Variants in SNRNP200 observed in about 807,000 individuals in gnomAD.
SNRNP200 encodes U5 small nuclear ribonucleoprotein 200 kDa helicase.
In SNRNP200, 66 loss-of-function variants were observed where a neutral mutation model predicts 255.2. That is an observed-to-expected ratio of 0.26 (90% CI 0.21 to 0.32). SNRNP200 has a LOEUF of 0.32. Among genes scored for constraint, SNRNP200 ranks in the 10% least tolerant of loss-of-function variants. SNRNP200 has a pLI of 1.00. For synonymous variants in SNRNP200, 939 were observed against 1,027.8 expected (o/e 0.91, Z 1.65); for missense variants, 1,585 against 2,749.8 (o/e 0.58, Z 9.47).
At chr2:96,296,429 G>A (rs1420869248) in intron 13 of SNRNP200, 107 bp downstream of exon 13, 45 of 1,091,706 alleles carry the variant, frequency 4.1e-5, no homozygotes, top group Non-Finnish European at 6.2e-5. Flanking sequence ...AATCCCAGGA[G>A]GCATGCCAGA....
chr2:96,290,299 G>GA lies in SNRNP200; in HGVS notation c.2742+26dup, dbSNP rs1199474164. On this transcript the variant is annotated intron_variant, in intron 20 of 44. Coordinates refer to ENST00000323853, the MANE Select transcript of SNRNP200 (RefSeq NM_014014.5). This position sits in a 1 kb window ranked among gnomAD's most constrained non-coding sequence, Gnocchi z 4.5. ...GCCTTGGTGTCTGCGGGGAAAGCAT[G>GA]AAGCACAACAAGCAGTCCTCCCCTA... is the stretch of plus-strand genomic sequence containing the variant. 6.2e-7 allele frequency: 1 copy of GA among 1,611,968 alleles called. No individual in the cohort carries two copies. Among genetic ancestry groups the GA allele is most frequent in the South Asian group, 1.1e-5 (1 of 90,988 alleles).
At position 96,278,738 on chromosome 2, in the gene SNRNP200, G is replaced by T. The variant is rs368358976; in HGVS notation, c.5324-27C>A. 10 of 1,614,226 alleles carry T rather than the reference G, an allele frequency of 6.2e-6. No individual in the cohort carries two copies. Among genetic ancestry groups the T allele is most frequent in the Non-Finnish European group, 8.5e-6 (10 of 1,180,032 alleles). On this transcript the variant is annotated intron_variant, in intron 37 of 44. Coordinates refer to ENST00000323853, the MANE Select transcript of SNRNP200 (RefSeq NM_014014.5). This position sits in a 1 kb window ranked among gnomAD's most constrained non-coding sequence, Gnocchi z 6.9. ...TATGGAGGCGAGAGGTGAGTGGGGA[G>T]CCTCAAGAAGATGCCCAGCAAAGAC...
In SNRNP200 at chr2:96,277,443, T is replaced by C; in HGVS notation, c.5931+96A>G. 1 of 1,476,040 alleles carries C rather than the reference T, an allele frequency of 6.8e-7. No homozygotes were observed. The allele number at this position is 1,476,040 out of a possible 1,614,324, so 91.4% of individuals were successfully genotyped here. A position where few individuals can be genotyped will look rare whatever the true frequency, so the allele number is the denominator to read the frequency against. On this transcript the variant is annotated intron_variant, in intron 41 of 44. Transcript: ENST00000323853. This position sits in a 1 kb window ranked among gnomAD's most constrained non-coding sequence, Gnocchi z 4.4. ...TTCGGAGGAACCATAACTAAAAGTT[T>C]AACTTACTGAGACTCACCTCCCGCA... is the stretch of plus-strand genomic sequence containing the variant.
Position 96,287,834 on chromosome 2 carries a change from G to T in SNRNP200, c.3365+29C>A. 6.3e-7 allele frequency: 1 copy of T among 1,595,410 alleles called. No individual in the cohort carries two copies. The highest frequency in any genetic ancestry group is 1.1e-5 in the South Asian group (1 of 90,670). ...TGGGTTGGGGACCCCCACTCATGGT[G>T]ACCAGCATCCAGCTCACTGGGTCCT... is the stretch of plus-strand genomic sequence containing the variant. On this transcript the variant is annotated intron_variant, in intron 25 of 44. Transcript: ENST00000323853. The surrounding 1 kb of genome is among the most constrained non-coding windows in gnomAD (Gnocchi z 5.7).
At chr2:96,300,218 T>A (rs2063943988) in intron 5 of SNRNP200, among the ~76,000 whole-genome samples, 2 of 152,188 alleles carry the variant, frequency 1.3e-5, no homozygotes, top group South Asian at 4.1e-4. Flanking sequence ...CACTTATTCC[T>A]ATTTAGTTAT....
chr2:96,302,812 C>T (rs1021514118), intron 3 of SNRNP200, among the ~76,000 whole-genome samples: 2 of 152,174 alleles, frequency 1.3e-5, no homozygotes, highest in Non-Finnish European at 2.9e-5. Context: ...AAGATGCCTA[C>T]CAAAAGACAA....
intron 14 of SNRNP200, 110 bp downstream of exon 14, chr2:96,295,378 C>T: frequency 1.4e-6 from 2 of 1,476,502 alleles, no homozygotes; most frequent in Non-Finnish European, 1.9e-6. Flanking sequence ...CTAGTCATTA[C>T]AAAGGCTAGT....
Position 96,286,515 on chromosome 2 carries a change from C to CA in SNRNP200, c.3830-32dup. The CA allele has an allele frequency of 6.2e-7, 1 of 1,612,542 alleles. No individual in the cohort carries two copies. Among genetic ancestry groups the CA allele is most frequent in the East Asian group, 2.2e-5 (1 of 44,872 alleles). On this transcript the variant is annotated intron_variant, in intron 28 of 44. Coordinates refer to ENST00000323853, the MANE Select transcript of SNRNP200 (RefSeq NM_014014.5). The surrounding 1 kb of genome is among the most constrained non-coding windows in gnomAD (Gnocchi z 4.8). ...AGAAAAGAAACAGGAAGGATATAAG[C>CA]ACTGCTCTCTTTCCCTCACTGGCCT...
In SNRNP200 at chr2:96,290,134, C is replaced by T. The variant is rs1006274343; in HGVS notation, c.2743-138G>A. The T allele has an allele frequency of 1.1e-4, 118 of 1,058,628 alleles. No individual in the cohort carries two copies. Among genetic ancestry groups the T allele is most frequent in the Non-Finnish European group, 1.6e-4 (108 of 686,028 alleles). The allele number at this position is 1,058,628 out of a possible 1,614,324, so 65.6% of individuals were successfully genotyped here. On this transcript the variant is annotated intron_variant, in intron 20 of 44. Transcript: ENST00000323853. This position sits in a 1 kb window ranked among gnomAD's most constrained non-coding sequence, Gnocchi z 4.5. The stretch of plus-strand genomic sequence containing the variant: ...CGTATTCTGAATGTTTTTAGCATTT[C>T]ATTATTAAAAAGATCTAAGCGTCTT...
chr2:96,284,895 G>A (rs1018793013), intron 30 of SNRNP200: 11 of 528,272 alleles, frequency 2.1e-5, no homozygotes, highest in African/African-American at 1.1e-4. Flanking sequence ...GATTACAGGC[G>A]CACACCACCA....
rs1469160747 is a variant in SNRNP200, at chr2:96,298,854, C to G, written c.843G>C (p.Val281=). ...QLSRFYDDAI[V]SQKKADEVLE... is the part of the protein sequence containing the mutation. ...ATACTTCATCTGCCTTCTTCTGCGA[C>G]ACGATGGCATCATCATAGAAACGAC... The change falls in exon 7 of 45, where the codon GTG becomes GTC. Residue 281 remains valine (V), a synonymous_variant. Transcript: ENST00000323853. 1.2e-6 allele frequency: 2 copies of G among 1,614,168 alleles called. No homozygotes were observed. Among genetic ancestry groups the G allele is most frequent in the South Asian group, 2.2e-5 (2 of 91,088 alleles).
At chr2:96,276,846 C>A in intron 43 of SNRNP200, 58 bp downstream of exon 43, 2 of 1,490,558 alleles carry the variant, frequency 1.3e-6, no homozygotes, top group Non-Finnish European at 1.9e-6. Flanking sequence ...TTGTACCAAG[C>A]ACCTAGCCAA....
intron 5 of SNRNP200, 101 bp from the exon 6 acceptor site, chr2:96,299,528 A>G (rs2063939784): frequency 1.0e-6 from 1 of 1,004,850 alleles, no homozygotes; most frequent in Admixed American, 1.8e-5. Context: ...TGGGTAGAGA[A>G]ATGGCTTTGG....
chr2:96,289,961 A>G lies in SNRNP200; in HGVS notation c.2778T>C (p.Tyr926=). ...AVNWLGYAYL[Y]IRMLRSPTLY... is the part of the protein sequence containing the mutation. ...GGGTTGGGGATCGCAGCATTCGGATATAGAGGTAGGCATAGCCCAGCCAGT... is the reference window on the plus strand; with the variant it reads ...GGGTTGGGGATCGCAGCATTCGGATGTAGAGGTAGGCATAGCCCAGCCAGT... The change falls in exon 21 of 45, where the codon TAT becomes TAC. Residue 926 remains tyrosine, a synonymous_variant. Coordinates refer to ENST00000323853, the MANE Select transcript of SNRNP200 (RefSeq NM_014014.5). The G allele has an allele frequency of 6.2e-7, 1 of 1,614,168 alleles. No homozygotes were observed. The highest frequency in any genetic ancestry group is 8.5e-7 in the Non-Finnish European group (1 of 1,180,018).
In SNRNP200 at chr2:96,289,962, T is replaced by C. The variant is rs1321434513; in HGVS notation, c.2777A>G (p.Tyr926Cys). Reference protein sequence around the residue: ...AVNWLGYAYLYIRMLRSPTLY... With the variant: ...AVNWLGYAYLCIRMLRSPTLY... ...GGTTGGGGATCGCAGCATTCGGATA[T>C]AGAGGTAGGCATAGCCCAGCCAGTT... Residue 926 changes from tyrosine (Y) to cysteine (C), a missense_variant, in exon 21 of 45, where the codon TAT (tyrosine) becomes TGT (cysteine). This residue lies in a region of SNRNP200 where 719 missense variants were observed against 1,091.1 expected (regional missense o/e 0.66). Transcript: ENST00000323853. The C allele has an allele frequency of 3.1e-6, 5 of 1,613,984 alleles. No individual in the cohort carries two copies. The highest frequency in any genetic ancestry group is 2.7e-5 in the African/African-American group (2 of 74,890).
chr2:96,291,290 A>G lies in SNRNP200; in HGVS notation c.2421+102T>C. The G allele has an allele frequency of 1.2e-5, 10 of 802,082 alleles. No homozygotes were observed. Among genetic ancestry groups the G allele is most frequent in the South Asian group, 8.0e-5 (6 of 74,884 alleles). The allele number at this position is 802,082 out of a possible 1,614,324, so 49.7% of individuals were successfully genotyped here. ...CCCTCTGACCTGGGCTAGCTGGGCC[A>G]GAAGCAATAAAGTACCAGGAGCAAA... is the stretch of plus-strand genomic sequence containing the variant. On this transcript the variant is annotated intron_variant, in intron 18 of 44. Coordinates refer to ENST00000323853, the MANE Select transcript of SNRNP200 (RefSeq NM_014014.5). The surrounding 1 kb of genome is among the most constrained non-coding windows in gnomAD (Gnocchi z 4.2).
Position 96,287,306 on chromosome 2 carries a change from A to G in SNRNP200, c.3484+133T>C. 8.3e-7 allele frequency: 1 copy of G among 1,210,718 alleles called. No homozygotes were observed. The highest frequency in any genetic ancestry group is 1.2e-5 in the South Asian group (1 of 82,192). The allele number at this position is 1,210,718 out of a possible 1,614,324, so 75.0% of individuals were successfully genotyped here. On this transcript the variant is annotated intron_variant, in intron 26 of 44. Transcript: ENST00000323853. The surrounding 1 kb of genome is among the most constrained non-coding windows in gnomAD (Gnocchi z 5.7). ...ATTCCAAGTCCCCAGACCAAGGGCC[A>G]GCCTGTACTTCAGTGGGACTTGGGG... is the stretch of plus-strand genomic sequence containing the variant.
rs1573992525 is a variant in SNRNP200 at position 96,284,962 on chromosome 2, C to T, written c.4164+218G>A. On this transcript the variant is annotated intron_variant, in intron 30 of 44. Transcript: ENST00000323853. ...ACAGGGTTTCACCATGTTGGCCAGGCTGGTCTCGAACTCCTGATCTCCGGA... is the reference window on the plus strand; with the variant it reads ...ACAGGGTTTCACCATGTTGGCCAGGTTGGTCTCGAACTCCTGATCTCCGGA... 6 of 634,986 alleles carry T rather than the reference C, an allele frequency of 9.4e-6. No individual in the cohort carries two copies. The East Asian group carries it at 1.8e-4, about 19-fold the overall frequency. The allele number at this position is 634,986 out of a possible 1,614,324, so 39.3% of individuals were successfully genotyped here.
chr2:96,300,708 G>A (rs1041943076), intron 5 of SNRNP200, among the ~76,000 whole-genome samples: 6 of 151,678 alleles, frequency 4.0e-5, no homozygotes, highest in African/African-American at 1.5e-4. Flanking sequence ...AGCTTGCAGT[G>A]AGCCGAGATC....
Sources: gnomAD v4.1 joint callset for allele counts (sites outside exome capture counted in the v4.1 genomes callset) on GRCh38, gnomAD v4.1.1 for gene constraint, gnomAD v4.1.1 regional missense constraint, Gnocchi (gnomAD v3.1) non-coding constraint, MANE v1.5 for transcripts, NCBI Gene and HGNC (gene_info 2026-07-23, HGNC 2026-07-21) for gene names.